The following CDK13 variants were observed in gnomAD, a reference collection of about 807,000 sequenced individuals.
CDK13 encodes cyclin-dependent kinase 13.
Under a neutral mutation model 137.6 loss-of-function variants are expected in CDK13, and 40 were observed. That is an observed-to-expected ratio of 0.29 (90% CI 0.23 to 0.38). The LOEUF (loss-of-function observed/expected upper bound fraction) is 0.38. Among genes scored for constraint, CDK13 ranks in the 10% least tolerant of loss-of-function variants. The pLI, the probability that CDK13 is intolerant of heterozygous loss-of-function variation, is 1.00. For missense variants in CDK13, 1,704 were observed against 1,951.8 expected (o/e 0.87, Z 2.39); for synonymous variants, 869 against 760.1 (o/e 1.14, Z -2.36).
intron 1 of CDK13, among the ~76,000 whole-genome samples, chr7:39,978,624 A>G (rs988459853): frequency 6.6e-6 from 1 of 152,246 alleles, no homozygotes; most frequent in Non-Finnish European, 1.5e-5. Flanking sequence ...ATCACAATTA[A>G]TAGAGTAAGC....
intron 5 of CDK13, among the ~76,000 whole-genome samples, chr7:40,023,784 C>T (rs1445193139): frequency 6.6e-6 from 1 of 152,138 alleles, no homozygotes; most frequent in Non-Finnish European, 1.5e-5. Context: ...CACGCCCGGC[C>T]CTGGATTGAT....
At chr7:40,027,884 C>G (rs1785279600) in intron 5 of CDK13, among the ~76,000 whole-genome samples, 1 of 151,928 alleles carries the variant, frequency 6.6e-6, no homozygotes, top group Non-Finnish European at 1.5e-5. Context: ...AGGATAGGTT[C>G]TGAGAATAGA....
intron 5 of CDK13, among the ~76,000 whole-genome samples, chr7:40,014,067 T>C (rs1175693956): frequency 2.1e-5 from 3 of 142,062 alleles, no homozygotes; most frequent in African/African-American, 7.9e-5. Context: ...TCTTTTTTTT[T>C]TTTTTTTTTT....
chr7:40,071,278 G>A (rs1750448752), intron 9 of CDK13: 1 of 152,124 alleles, frequency 6.6e-6, no homozygotes, highest in African/African-American at 2.4e-5. Context: ...AGAAATTAAA[G>A]ATATTTATGA....
chr7:40,047,964 T>C, intron 7 of CDK13, 87 bp downstream of exon 7: 1 of 840,938 alleles, frequency 1.2e-6, no homozygotes, highest in Non-Finnish European at 1.9e-6. Flanking sequence ...AGTTTTATTT[T>C]TTAAAAGAGA....
At chr7:40,042,379 C>T (rs772044979) in intron 5 of CDK13, among the ~76,000 whole-genome samples, 17 of 150,504 alleles carry the variant, frequency 1.1e-4, no homozygotes, top group Non-Finnish European at 2.2e-4. Flanking sequence ...CCACACCCAG[C>T]CGTTTTTGTA....
At chr7:40,000,919 T>G (rs1784670004) in intron 4 of CDK13, among the ~76,000 whole-genome samples, 1 of 152,230 alleles carries the variant, frequency 6.6e-6, no homozygotes, top group Non-Finnish European at 1.5e-5. Flanking sequence ...ATTTTCTATT[T>G]GGATCATTTC....
intron 7 of CDK13, chr7:40,048,799 C>T (rs542286188): frequency 2.6e-5 from 4 of 151,370 alleles, no homozygotes; most frequent in Non-Finnish European, 4.4e-5. Context: ...AATCTTGCAG[C>T]GCCTGTGACA....
At chr7:40,041,861 T>A (rs1195058255) in intron 5 of CDK13, among the ~76,000 whole-genome samples, 3 of 152,230 alleles carry the variant, frequency 2.0e-5, no homozygotes, top group Admixed American at 6.5e-5. Flanking sequence ...TGTTTTATTA[T>A]TACATTGCTT....
chr7:40,056,037 T>G (rs1164101365), intron 7 of CDK13, among the ~76,000 whole-genome samples: 2 of 152,236 alleles, frequency 1.3e-5, no homozygotes, highest in African/African-American at 4.8e-5. Flanking sequence ...GATTTAATAT[T>G]AGCATCCTAA....
At chr7:40,089,658 C>G (rs1220858929) in intron 12 of CDK13, among the ~76,000 whole-genome samples, 2 of 150,404 alleles carry the variant, frequency 1.3e-5, no homozygotes, top group African/African-American at 4.9e-5. Context: ...TTAACACCAT[C>G]TTTAGTTGAA....
intron 9 of CDK13, 104 bp from the exon 10 acceptor site, chr7:40,077,900 GC>G (rs1432711030): frequency 1.8e-6 from 1 of 541,966 alleles, no homozygotes; most frequent in Non-Finnish European, 3.3e-6. Flanking sequence ...ATAGACCAAG[GC>G]TTCAATTTTT....
chr7:40,092,706 T>C, intron 12 of CDK13, 79 bp from the exon 13 acceptor site: 1 of 966,346 alleles, frequency 1.0e-6, no homozygotes, highest in Non-Finnish European at 1.6e-6. Context: ...TTTCATATGG[T>C]AATACAGAGC....
chr7:40,091,526 A>G (rs1436113768), intron 12 of CDK13, among the ~76,000 whole-genome samples: 3 of 151,992 alleles, frequency 2.0e-5, no homozygotes, highest in Admixed American at 6.6e-5. Flanking sequence ...AAAAAAAAAG[A>G]AGGAGAATTC....
intron 1 of CDK13, among the ~76,000 whole-genome samples, chr7:39,970,308 T>C (rs1239432320): frequency 6.6e-6 from 1 of 152,032 alleles, no homozygotes; most frequent in Admixed American, 6.6e-5. Flanking sequence ...GCCAGATTTA[T>C]GCATTTTATG....
At chr7:40,035,198 T>G (rs1363732462) in intron 5 of CDK13, among the ~76,000 whole-genome samples, 1 of 152,228 alleles carries the variant, frequency 6.6e-6, no homozygotes, top group Admixed American at 6.5e-5. Flanking sequence ...ATTTTATTAA[T>G]TTTTAAATAC....
At chr7:40,015,531 T>G (rs1784986448) in intron 5 of CDK13, among the ~76,000 whole-genome samples, 1 of 152,174 alleles carries the variant, frequency 6.6e-6, no homozygotes, top group Non-Finnish European at 1.5e-5. Flanking sequence ...ATAGTGCATG[T>G]GAAGGACTTC....
chr7:40,058,542 TAAATA>T (rs1248802901), intron 7 of CDK13, among the ~76,000 whole-genome samples: 1 of 9,400 alleles, frequency 1.1e-4, no homozygotes, highest in East Asian at 2.6e-3. Flanking sequence ...TCAAAAAAAA[TAAATA>T]AAATAATAAA....
chr7:39,966,130 C>T (rs188563851), intron 1 of CDK13, among the ~76,000 whole-genome samples: 6 of 152,176 alleles, frequency 3.9e-5, no homozygotes, highest in East Asian at 3.9e-4. Context: ...ATCTTTGTGG[C>T]GTTCTCTGCA....
Sources: allele counts gnomAD v4.1 joint callset (sites outside exome capture counted in the v4.1 genomes callset), GRCh38; gene constraint gnomAD v4.1.1; transcripts MANE v1.5; gene names NCBI Gene and HGNC (gene_info 2026-07-23, HGNC 2026-07-21).